Variants in FYCO1 observed in about 807,000 individuals in gnomAD.
The protein encoded by FYCO1 is FYVE and coiled-coil domain-containing protein 1.
A neutral mutation model predicts 165.1 loss-of-function variants in FYCO1; 122 were observed. The ratio of observed to expected loss-of-function variants is 0.74; its 90% CI spans 0.64 to 0.86. FYCO1 has a LOEUF of 0.86. Ranked by LOEUF, FYCO1 falls within the 40% of genes least tolerant of loss-of-function variation. The pLI, the probability that FYCO1 is intolerant of heterozygous loss-of-function variation, is 0.00. For missense variants in FYCO1, 1,702 were observed against 1,810.3 expected, an observed-to-expected ratio of 0.94 and a Z score of 1.09; for synonymous variants, 648 against 742.5, an observed-to-expected ratio of 0.87 and a Z score of 2.07.
Position 45,959,397 on chromosome 3 carries a change from A to C in FYCO1, c.3583T>G (p.Cys1195Gly). 3 of 1,613,888 alleles carry C rather than the reference A, an allele frequency of 1.9e-6. No homozygotes were observed. Among genetic ancestry groups the C allele is most frequent in the Non-Finnish European group, 2.5e-6 (3 of 1,180,000 alleles). The change falls in exon 12 of 18, where the codon TGC (cysteine) becomes GGC (glycine). Residue 1195 changes from cysteine (C) to glycine (G), a missense_variant. Cys to Gly is a radical substitution (Grantham distance 159). Coordinates refer to ENST00000296137, the MANE Select transcript of FYCO1 (RefSeq NM_024513.4). The part of the protein sequence containing the change: ...EFSWMVRRHH[C>G]RICGRIFCYY... ...ACCCACGAGCTCCCTGCTGACCTGC[A>C]GTGGTGCCGCCGCACCATCCAGCTG...
intron 13 of FYCO1, among the ~76,000 whole-genome samples, chr3:45,957,083 C>T (rs1470154747): frequency 1.3e-5 from 2 of 152,178 alleles, no homozygotes; most frequent in East Asian, 3.8e-4. Context: ...TAAATCCACA[C>T]ATATAAGGTC....
In FYCO1 at chr3:45,964,943, C is replaced by A; in HGVS notation, c.3150+90G>T. 2.0e-6 allele frequency: 2 copies of A among 1,017,888 alleles called. No individual in the cohort carries two copies. Among genetic ancestry groups the A allele is most frequent in the Non-Finnish European group, 3.1e-6 (2 of 654,208 alleles). The allele number at this position is 1,017,888 out of a possible 1,614,324, so 63.1% of individuals were successfully genotyped here. ...CTGAGGACGGCTTCAGCTTGGGAAT[C>A]TGGAGGCATGCAGGGAGCCCTCTTA... is the stretch of plus-strand genomic sequence containing the variant. On this transcript the variant is annotated intron_variant, in intron 9 of 17. Transcript: ENST00000296137. The surrounding 1 kb of genome is among the most constrained non-coding windows in gnomAD (Gnocchi z 4.1).
intron 1 of FYCO1, among the ~76,000 whole-genome samples, chr3:45,987,541 TGGGAC>T (rs1471910494): frequency 6.6e-6 from 1 of 152,152 alleles, no homozygotes; most frequent in East Asian, 1.9e-4. Flanking sequence ...AAAAGGATGC[TGGGAC>T]GGAGGCACAC....
chr3:45,937,619 C>T (rs1169677891), intron 14 of FYCO1, among the ~76,000 whole-genome samples: 2 of 152,224 alleles, frequency 1.3e-5, no homozygotes, highest in East Asian at 1.9e-4. Flanking sequence ...TTGTGTGAGC[C>T]CACTGGCTCA....
intron 3 of FYCO1, among the ~76,000 whole-genome samples, chr3:45,980,273 C>T (rs1706978696): frequency 6.6e-6 from 1 of 151,814 alleles, no homozygotes; most frequent in Non-Finnish European, 1.5e-5. Context: ...CACTTGAACC[C>T]AGGAGGCAGA....
chr3:45,974,817 C>T (rs969724073), intron 5 of FYCO1, among the ~76,000 whole-genome samples: 8 of 152,164 alleles, frequency 5.3e-5, no homozygotes, highest in African/African-American at 1.9e-4. Context: ...CCACCAGTCT[C>T]CAGTGTGTTC....
In FYCO1 at chr3:45,962,669, G is replaced by C. The variant is rs1705772992; in HGVS notation, c.3270-277C>G. ...CTGCACCCCTTGGCTCCTGGACAGG[G>C]GCTGGGCTTGCAAGAGAAGCCTGAT... On this transcript the variant is annotated intron_variant, in intron 10 of 17. Coordinates refer to ENST00000296137, the MANE Select transcript of FYCO1 (RefSeq NM_024513.4). This position sits in a 1 kb window ranked among gnomAD's most constrained non-coding sequence, Gnocchi z 4.4. 6.6e-6 allele frequency among the ~76,000 whole-genome samples: 1 copy of C among 152,212 alleles called. No individual in the cohort carries two copies. The highest frequency in any genetic ancestry group is 6.5e-5 in the Admixed American group (1 of 15,288).
intron 14 of FYCO1, among the ~76,000 whole-genome samples, chr3:45,940,447 G>T (rs1036945383): frequency 6.6e-6 from 1 of 152,138 alleles, no homozygotes; most frequent in Admixed American, 6.5e-5. Context: ...ACTGATAAGG[G>T]AAAAACACCT....
In FYCO1 at chr3:45,967,693, G is replaced by C. The variant is rs1303104804; in HGVS notation, c.1641C>G (p.Ser547Arg). ...GCCGCTCGAGCATACCCACCTGCTGGCTGAGGTGGTCTTTGTCCTGAATGA... is the reference window on the plus strand; with the variant it reads ...GCCGCTCGAGCATACCCACCTGCTGCCTGAGGTGGTCTTTGTCCTGAATGA... The part of the protein sequence containing the change: ...KQLIQDKDHL[S>R]QQVGMLERLA... The change falls in exon 8 of 18, where the codon AGC becomes AGG. Residue 547 changes from serine to arginine, a missense_variant. Physicochemically the swap from Ser to Arg is moderately radical, Grantham distance 110. Transcript: ENST00000296137. 6.2e-7 allele frequency: 1 copy of C among 1,613,722 alleles called. No individual in the cohort carries two copies. Among genetic ancestry groups the C allele is most frequent in the South Asian group, 1.1e-5 (1 of 91,088 alleles).
chr3:45,978,243 T>C (rs937771832), intron 4 of FYCO1, among the ~76,000 whole-genome samples: 1 of 152,210 alleles, frequency 6.6e-6, no homozygotes, highest in Non-Finnish European at 1.5e-5. Flanking sequence ...AGGCTTTAGT[T>C]GCTCTGATGC....
chr3:45,984,345 C>T (rs1014881445), intron 2 of FYCO1, among the ~76,000 whole-genome samples: 3 of 152,204 alleles, frequency 2.0e-5, no homozygotes, highest in Non-Finnish European at 2.9e-5. Context: ...CAGTGGACAA[C>T]GCTGAGCTCA....
rs777273112 is a variant in FYCO1 at position 45,968,504 on chromosome 3, T to C, written c.830A>G (p.Glu277Gly). 4.3e-6 allele frequency: 7 copies of C among 1,614,078 alleles called. No homozygotes were observed. The highest frequency in any genetic ancestry group is 3.3e-5 in the Admixed American group (2 of 60,032). Reference sequence around the variant, plus strand: ...CGCTGCAGTGCGCCCCCTCTCCCTCTCTGTCTGCAGTTGCTCCCCTTGCTG... The same window carrying C: ...CGCTGCAGTGCGCCCCCTCTCCCTCCCTGTCTGCAGTTGCTCCCCTTGCTG... ...VSQQGEQLQT[E>G]RERGRTAAED... The change falls in exon 8 of 18, where the codon GAG becomes GGG. Residue 277 changes from glutamate to glycine, a missense_variant. Physicochemically the swap from Glu to Gly is moderately conservative, Grantham distance 98. Coordinates refer to ENST00000296137, the MANE Select transcript of FYCO1 (RefSeq NM_024513.4).
In FYCO1 at chr3:45,936,495, G is replaced by A. The variant is rs752606656; in HGVS notation, c.3993C>T (p.Pro1331=). The change falls in exon 15 of 18, where the codon CCC becomes CCT. Residue 1331 remains proline, a synonymous_variant. Transcript: ENST00000296137. ...SLTPEDTEDM[P]VGQDSEICLL... ...GGCAGATTTCCGAATCCTGCCCCACGGGCATGTCTTCAGTGTCCTCAGGCG... is the reference window on the plus strand; with the variant it reads ...GGCAGATTTCCGAATCCTGCCCCACAGGCATGTCTTCAGTGTCCTCAGGCG... The A allele has an allele frequency of 6.8e-6, 11 of 1,613,986 alleles. No homozygotes were observed. The highest frequency in any genetic ancestry group is 1.7e-4 in the Middle Eastern group (1 of 6,060).
rs751893730 is a variant in FYCO1 at position 45,931,151 on chromosome 3, C to A, written c.4171G>T (p.Val1391Phe). The change falls in exon 16 of 18, where the codon GTC becomes TTC. Residue 1391 changes from valine (V) to phenylalanine (F), a missense_variant. Transcript: ENST00000296137. ...ATGCTCTTGGGGTCAGAGGAGAAGACCCAGCTGATGGTGAGGCCTGCCTCG... is the reference window on the plus strand; with the variant it reads ...ATGCTCTTGGGGTCAGAGGAGAAGAACCAGCTGATGGTGAGGCCTGCCTCG... Reference protein sequence around the residue: ...VAEAGLTISWVFSSDPKSISF... With the variant: ...VAEAGLTISWFFSSDPKSISF... 4 of 1,613,892 alleles carry A rather than the reference C, an allele frequency of 2.5e-6. No individual in the cohort carries two copies. The South Asian group carries it at 3.3e-5, about 13-fold the overall frequency.
chr3:45,951,223 C>T (rs1191831760), intron 14 of FYCO1, among the ~76,000 whole-genome samples: 1 of 152,148 alleles, frequency 6.6e-6, no homozygotes, highest in East Asian at 1.9e-4. Flanking sequence ...AAAGTCTTCC[C>T]AGGCATTAGA....
At chr3:45,950,401 A>AG (rs1203572606) in intron 14 of FYCO1, among the ~76,000 whole-genome samples, 1 of 152,120 alleles carries the variant, frequency 6.6e-6, no homozygotes, top group Non-Finnish European at 1.5e-5. Context: ...CACTGACTCT[A>AG]GGGGCTACCT....
chr3:45,986,625 A>G (rs1470064110), intron 1 of FYCO1, among the ~76,000 whole-genome samples: 1 of 152,188 alleles, frequency 6.6e-6, no homozygotes, highest in Non-Finnish European at 1.5e-5. Context: ...CCAGGAATTC[A>G]TGAGTCCCAG....
rs189815147 is a variant in FYCO1 at position 45,964,593 on chromosome 3, C to A, written c.3151-139G>T. ...GTTGTTTCCTATTAAGTTCAAGAGGCCATGAACCTCTGCTCTATATTTGTG... is the reference window on the plus strand; with the variant it reads ...GTTGTTTCCTATTAAGTTCAAGAGGACATGAACCTCTGCTCTATATTTGTG... On this transcript the variant is annotated intron_variant, in intron 9 of 17. Transcript: ENST00000296137. The surrounding 1 kb of genome is among the most constrained non-coding windows in gnomAD (Gnocchi z 4.1). 6.7e-7 allele frequency: 1 copy of A among 1,500,118 alleles called. No individual in the cohort carries two copies. The highest frequency in any genetic ancestry group is 2.0e-5 in the Admixed American group (1 of 50,682). The allele number at this position is 1,500,118 out of a possible 1,614,324, so 92.9% of individuals were successfully genotyped here.
rs886503873 is a variant in FYCO1 at position 45,975,403 on chromosome 3, C to T, written c.289-58G>A. 2.2e-5 allele frequency: 29 copies of T among 1,309,004 alleles called. 1 individual carries two copies. The highest frequency in any genetic ancestry group is 1.7e-5 in the Admixed American group (1 of 58,354). The allele number at this position is 1,309,004 out of a possible 1,614,324, so 81.1% of individuals were successfully genotyped here. ...CTGTCAGCCTAACTCCAAATACAGA[C>T]CTGGTCTCATAGATGGCTTGTGAAA... On this transcript the variant is annotated intron_variant, in intron 4 of 17. Transcript: ENST00000296137.
Sources: gnomAD v4.1 joint callset for allele counts (sites outside exome capture counted in the v4.1 genomes callset) on GRCh38, gnomAD v4.1.1 for gene constraint, Gnocchi (gnomAD v3.1) non-coding constraint, MANE v1.5 for transcripts, NCBI Gene and HGNC (gene_info 2026-07-23, HGNC 2026-07-21) for gene names.